Variants in PTPRA observed in about 807,000 individuals in gnomAD.
PTPRA encodes receptor-type tyrosine-protein phosphatase alpha.
PTPRA carries 25 observed loss-of-function variants against 104.8 expected under a neutral mutation model. The observed-to-expected ratio is 0.24, with a 90% CI of 0.17 to 0.33. The LOEUF (loss-of-function observed/expected upper bound fraction) is 0.33. PTPRA is among the 10% of genes least tolerant of loss of function. PTPRA has a pLI of 1.00. For missense variants in PTPRA, 765 were observed against 1,015.3 expected, an observed-to-expected ratio of 0.75 and a Z score of 3.35; for synonymous variants, 323 against 368.9, an observed-to-expected ratio of 0.88 and a Z score of 1.43.
chr20:3,036,528 A>G (rs1179906597), intron 22 of PTPRA, among the ~76,000 whole-genome samples: 1 of 152,234 alleles, frequency 6.6e-6, no homozygotes. Context: ...AGGCAGCCAC[A>G]GGGCTTTGCC....
At chr20:2,893,333 C>T (rs1026668401) in intron 1 of PTPRA, among the ~76,000 whole-genome samples, 4 of 152,142 alleles carry the variant, frequency 2.6e-5, no homozygotes, top group Admixed American at 1.3e-4. Context: ...ACGACATGAC[C>T]TGAGTATAAA....
chr20:2,992,648 A>T (rs1017968446), intron 9 of PTPRA, among the ~76,000 whole-genome samples: 4 of 144,472 alleles, frequency 2.8e-5, no homozygotes, highest in Middle Eastern at 7.0e-3. Context: ...TGGTCTTACC[A>T]ATAGGATCAT....
chr20:2,997,307 A>G (rs2063439686), intron 9 of PTPRA, among the ~76,000 whole-genome samples: 1 of 152,184 alleles, frequency 6.6e-6, no homozygotes, highest in African/African-American at 2.4e-5. Flanking sequence ...TTTCTACTAA[A>G]TTATTTGACT....
chr20:2,904,154 G>T (rs1261714270), intron 1 of PTPRA, among the ~76,000 whole-genome samples: 1 of 152,064 alleles, frequency 6.6e-6, no homozygotes, highest in Non-Finnish European at 1.5e-5. Flanking sequence ...GGGCTCAAGT[G>T]ATCTTGCTTT....
chr20:3,038,298 GC>G lies in PTPRA; in HGVS notation c.*166del, dbSNP rs2065901391. ...GGAAATTTTATATGTAAATGTGTTA[GC>G]ACTGATAGTCCTTTTTCCAATGTTT... On this transcript the variant is annotated 3_prime_UTR_variant, in exon 24 of 24. Transcript: ENST00000399903. The G allele has an allele frequency of 3.4e-6, 2 of 595,104 alleles. No individual in the cohort carries two copies. Among genetic ancestry groups the G allele is most frequent in the Non-Finnish European group, 5.9e-6 (2 of 340,470 alleles). The allele number at this position is 595,104 out of a possible 1,614,324, so 36.9% of individuals were successfully genotyped here. A position where few individuals can be genotyped will look rare whatever the true frequency, so the allele number is the denominator to read the frequency against.
At chr20:2,963,383 C>G (rs563014880) in intron 3 of PTPRA, among the ~76,000 whole-genome samples, 1 of 152,152 alleles carries the variant, frequency 6.6e-6, no homozygotes, top group East Asian at 1.9e-4. Context: ...TGGGAGGTCA[C>G]CTGGGGTCAG....
chr20:2,934,140 T>C (rs2147546400), intron 2 of PTPRA, among the ~76,000 whole-genome samples: 1 of 152,224 alleles, frequency 6.6e-6, no homozygotes, highest in Middle Eastern at 3.4e-3. Flanking sequence ...CCTAAATGAT[T>C]TTGTCCAGGC....
At chr20:2,866,780 CA>C in the PTPRA span, 1 of 696,522 alleles carries the variant, frequency 1.4e-6, no homozygotes, top group East Asian at 2.8e-5. Flanking sequence ...AAGCTCAAGA[CA>C]GGATCCTCCA....
chr20:2,923,653 GC>G (rs1440989696), intron 2 of PTPRA, among the ~76,000 whole-genome samples: 2 of 152,010 alleles, frequency 1.3e-5, no homozygotes, highest in Admixed American at 6.6e-5. Context: ...ACAAAAATTA[GC>G]CAGATGTGGT....
At chr20:2,892,932 A>C (rs2058856961) in intron 1 of PTPRA, among the ~76,000 whole-genome samples, 1 of 152,224 alleles carries the variant, frequency 6.6e-6, no homozygotes, top group Non-Finnish European at 1.5e-5. Context: ...TTCTGTGTGA[A>C]AAATGGTATT....
intron 2 of PTPRA, among the ~76,000 whole-genome samples, chr20:2,929,164 C>G (rs2060418099): frequency 6.6e-6 from 1 of 151,836 alleles, no homozygotes; most frequent in South Asian, 2.1e-4. Context: ...TGTTGCCAGG[C>G]TGGTCTTGAA....
chr20:2,986,645 T>C lies in PTPRA; in HGVS notation c.443-120T>C. 8 of 838,692 alleles carry C rather than the reference T, an allele frequency of 9.5e-6. No homozygotes were observed. In the South Asian group the frequency reaches 1.1e-4, roughly 12 times the overall value. The allele number at this position is 838,692 out of a possible 1,614,324, so 52.0% of individuals were successfully genotyped here. Reference sequence around the variant, plus strand: ...TCATACTTTCTTCTCTGTTTCCATTTCCTGGCATCTGCAGAAGGACTGAAT... The same window carrying C: ...TCATACTTTCTTCTCTGTTTCCATTCCCTGGCATCTGCAGAAGGACTGAAT... On this transcript the variant is annotated intron_variant, in intron 6 of 23. Transcript: ENST00000399903.
Position 2,950,364 on chromosome 20 carries a change from C to T in PTPRA, c.-7+2340C>T, listed in dbSNP as rs1027760297. Among the ~76,000 whole-genome samples the T allele has an allele frequency of 4.6e-5, 7 of 151,958 alleles. No individual in the cohort carries two copies. Among genetic ancestry groups the T allele is most frequent in the African/African-American group, 1.5e-4 (6 of 41,350 alleles). On this transcript the variant is annotated intron_variant, in intron 3 of 23. Transcript: ENST00000399903. The surrounding 1 kb of genome is among the most constrained non-coding windows in gnomAD (Gnocchi z 4.0). ...TTATAATATTAACTTGTGGGCCAGG[C>T]GTCGTGGCTCACACCTGTAATCCCA...
At chr20:2,899,089 G>T (rs1182366340) in intron 1 of PTPRA, among the ~76,000 whole-genome samples, 2 of 152,004 alleles carry the variant, frequency 1.3e-5, no homozygotes, top group African/African-American at 4.8e-5. Context: ...ACTTTGGTAG[G>T]CTGAGGCAGG....
intron 1 of PTPRA, among the ~76,000 whole-genome samples, chr20:2,883,651 C>CAAAAAAA (rs71195803): frequency 3.1e-4 from 1 of 3,248 alleles, no homozygotes; most frequent in Non-Finnish European, 4.5e-4. Context: ...GACTCCGTCT[C>CAAAAAAA]AAAAAAAAAA....
At chr20:3,020,375 G>C (rs550782375) in intron 13 of PTPRA, among the ~76,000 whole-genome samples, 1 of 152,146 alleles carries the variant, frequency 6.6e-6, no homozygotes, top group African/African-American at 2.4e-5. Flanking sequence ...TGGGATTATA[G>C]GCGTGAGCCA....
chr20:2,943,304 A>G (rs1473118437), intron 2 of PTPRA, among the ~76,000 whole-genome samples: 1 of 148,498 alleles, frequency 6.7e-6, no homozygotes, highest in African/African-American at 2.5e-5. Flanking sequence ...TACATATTAT[A>G]TAGATTTATT....
At chr20:2,982,407 T>G (rs1228405914) in intron 6 of PTPRA, among the ~76,000 whole-genome samples, 1 of 152,170 alleles carries the variant, frequency 6.6e-6, no homozygotes, top group Non-Finnish European at 1.5e-5. Flanking sequence ...CCCCTGTTGT[T>G]GGAATTTAAC....
chr20:3,017,378 G>C (rs750229067), intron 12 of PTPRA, among the ~76,000 whole-genome samples: 1 of 152,134 alleles, frequency 6.6e-6, no homozygotes, highest in Non-Finnish European at 1.5e-5. Flanking sequence ...GGTTATATGG[G>C]AGGTAAATTT....
Sources: allele counts gnomAD v4.1 joint callset (sites outside exome capture counted in the v4.1 genomes callset), GRCh38; gene constraint gnomAD v4.1.1; non-coding constraint Gnocchi (gnomAD v3.1); transcripts MANE v1.5; gene names NCBI Gene and HGNC (gene_info 2026-07-23, HGNC 2026-07-21).